KRT32: variants seen among roughly 807,000 people sequenced by gnomAD.
KRT32 encodes the protein keratin 32, also known as keratin, type I cuticular Ha2.
KRT32 carries 44 observed loss-of-function variants against 41.8 expected under a neutral mutation model. The observed-to-expected ratio is 1.05, with a 90% confidence interval of 0.83 to 1.35. The LOEUF (loss-of-function observed/expected upper bound fraction) is 1.35. Among genes scored for constraint, KRT32 ranks in the 40% most tolerant of loss-of-function variants. The pLI is 0.00. For missense variants in KRT32, 576 were observed against 584.6 expected, an observed-to-expected ratio of 0.99 and a Z score of 0.15; for synonymous variants, 238 against 242.5, an observed-to-expected ratio of 0.98 and a Z score of 0.17.
intron 4 of KRT32, 23 bp from the exon 5 acceptor site, chr17:41,464,226 G>A: frequency 6.3e-7 from 1 of 1,592,796 alleles, no homozygotes; most frequent in Non-Finnish European, 8.6e-7. Flanking sequence ...GAAGGAGAAG[G>A]CTAGAGTCCC....
At chr17:41,462,469 G>T (rs950047251) in intron 6 of KRT32, among the ~76,000 whole-genome samples, 1 of 152,086 alleles carries the variant, frequency 6.6e-6, no homozygotes, top group Non-Finnish European at 1.5e-5. Context: ...CCTAAGCTCT[G>T]GACAGGCCAT....
At chr17:41,461,837 G>GT (rs1396337187) in intron 6 of KRT32, among the ~76,000 whole-genome samples, 1 of 152,192 alleles carries the variant, frequency 6.6e-6, no homozygotes, top group African/African-American at 2.4e-5. Flanking sequence ...TACAACAGTC[G>GT]TCAGCCCACT....
intron 5 of KRT32, among the ~76,000 whole-genome samples, chr17:41,463,559 G>A (rs537391674): frequency 8.5e-5 from 13 of 152,292 alleles, no homozygotes; most frequent in African/African-American, 3.1e-4. Context: ...ACAAACATTA[G>A]CAGGGCATAG....
chr17:41,467,090 C>T lies in KRT32; in HGVS notation c.236G>A (p.Gly79Asp). The T allele has an allele frequency of 1.9e-6, 3 of 1,614,232 alleles. No individual in the cohort carries two copies. In the South Asian group the frequency reaches 3.3e-5, roughly 18 times the overall value. Residue 79 changes from glycine (G) to aspartate (D), a missense_variant, in exon 1 of 7, where the codon GGC becomes GAC. Gly to Asp is a moderately conservative substitution (Grantham distance 94). Coordinates refer to ENST00000225899, the MANE Select transcript of KRT32 (RefSeq NM_002278.3). ...SSCQAASGIS[G>D]SMGPGSWYSE... ...GTACCAGCTGCCGGGGCCCATGGAG[C>T]CGGAGATGCCACTGGCTGCCTGGCA... is the stretch of plus-strand genomic sequence containing the variant.
In KRT32 at chr17:41,467,084, A is replaced by T; in HGVS notation, c.242T>A (p.Met81Lys). Residue 81 changes from methionine (M) to lysine (K), a missense_variant, in exon 1 of 7, where the codon ATG becomes AAG. By Grantham distance (95) the Met-to-Lys change is moderately conservative. Coordinates refer to ENST00000225899, the MANE Select transcript of KRT32 (RefSeq NM_002278.3). ...CQAASGISGS[M>K]GPGSWYSEGA... ...TTCGCTGTACCAGCTGCCGGGGCCC[A>T]TGGAGCCGGAGATGCCACTGGCTGC... The T allele has an allele frequency of 6.2e-7, 1 of 1,614,214 alleles. No individual in the cohort carries two copies. Among genetic ancestry groups the T allele is most frequent in the Non-Finnish European group, 8.5e-7 (1 of 1,180,036 alleles).
chr17:41,466,669 G>C (rs189247226), intron 1 of KRT32, among the ~76,000 whole-genome samples, 189 bp downstream of exon 1: 2 of 152,354 alleles, frequency 1.3e-5, no homozygotes, highest in African/African-American at 4.8e-5. Flanking sequence ...TGGTAGAACT[G>C]AGACTAGATC....
chr17:41,464,579 C>A, intron 3 of KRT32, 136 bp from the exon 4 acceptor site: 1 of 740,780 alleles, frequency 1.3e-6, no homozygotes, highest in Admixed American at 3.3e-5. Flanking sequence ...CTGCAGTCCA[C>A]TCAGCAGCAT....
At chr17:41,465,747 C>G in intron 3 of KRT32, 26 bp downstream of exon 3, 1 of 1,594,808 alleles carries the variant, frequency 6.3e-7, no homozygotes, top group Non-Finnish European at 8.6e-7. Flanking sequence ...TTCCCGGGGC[C>G]ACTTCAGCGG....
rs2019060497 is a variant in KRT32 at position 41,465,830 on chromosome 17, C to T, written c.651G>A (p.Glu217=). 1 of 1,613,682 alleles carries T rather than the reference C, an allele frequency of 6.2e-7. No homozygotes were observed. Among genetic ancestry groups the T allele is most frequent in the Non-Finnish European group, 8.5e-7 (1 of 1,179,796 alleles). ...DDLTLCKADL[E]AQVESLKEEL... ...CCTCCTTCAGGGACTCAACCTGGGC[C>T]TCCAGGTCAGCCTTGCACAGAGTGA... Residue 217 remains glutamate, a synonymous_variant, in exon 3 of 7, where the codon GAG becomes GAA. Transcript: ENST00000225899.
At position 41,464,076 on chromosome 17, in the gene KRT32, A is replaced by C. The variant is rs748045582; in HGVS notation, c.996+2T>G. The C allele has an allele frequency of 3.2e-6, 5 of 1,585,422 alleles. No individual in the cohort carries two copies. The highest frequency in any genetic ancestry group is 4.3e-6 in the Non-Finnish European group (5 of 1,165,938). ...GATGGGTGCCCACCCAGCAGCTCTCACCAGGCTGTGCTGGGCCTGCAGCTC... is the reference window on the plus strand; with the variant it reads ...GATGGGTGCCCACCCAGCAGCTCTCCCCAGGCTGTGCTGGGCCTGCAGCTC... On this transcript the variant is annotated splice_donor_variant, in intron 5 of 6. Transcript: ENST00000225899. LOFTEE classifies it high-confidence loss of function.
rs954175880 is a variant in KRT32 at position 41,467,040 on chromosome 17, C to T, written c.286G>A (p.Glu96Lys). The change falls in exon 1 of 7, where the codon GAG becomes AAG. Residue 96 changes from glutamate (E) to lysine (K), a missense_variant. Physicochemically the swap from Glu to Lys is moderately conservative, Grantham distance 56 (BLOSUM62 1). Coordinates refer to ENST00000225899, the MANE Select transcript of KRT32 (RefSeq NM_002278.3). ...TTAAGGAACTGCATGGTTTCCTTCT[C>T]ATTGCCATTGAAGGCCCCTTCGCTG... ...WYSEGAFNGN[E>K]KETMQFLNDR... 5 of 1,614,274 alleles carry T rather than the reference C, an allele frequency of 3.1e-6. No homozygotes were observed. The highest frequency in any genetic ancestry group is 4.2e-6 in the Non-Finnish European group (5 of 1,180,044).
Position 41,467,166 on chromosome 17 carries a change from T to TGGGCAGGCAGACCGAAGGC in KRT32, c.141_159dup (p.Thr54AlafsTer49), listed in dbSNP as rs1567702580. On this transcript the variant is annotated frameshift_variant, in exon 1 of 7. Coordinates refer to ENST00000225899, the MANE Select transcript of KRT32 (RefSeq NM_002278.3). LOFTEE classifies it high-confidence loss of function. ...AGGCAGCTGGCTGGCCGGAAGGTGG[T>TGGGCAGGCAGACCGAAGGC]GGGCAGGCAGACCGAAGGCAGGCAT... 3.1e-6 allele frequency: 5 copies of TGGGCAGGCAGACCGAAGGC among 1,613,994 alleles called. No individual in the cohort carries two copies. The highest frequency in any genetic ancestry group is 4.2e-6 in the Non-Finnish European group (5 of 1,180,034).
chr17:41,462,542 C>T (rs2019012069), intron 6 of KRT32, among the ~76,000 whole-genome samples: 1 of 152,204 alleles, frequency 6.6e-6, no homozygotes, highest in Admixed American at 6.5e-5. Flanking sequence ...GGGCAAATGC[C>T]CTGTCTTCCT....
chr17:41,465,444 G>A (rs2019055338), intron 3 of KRT32, among the ~76,000 whole-genome samples: 1 of 152,124 alleles, frequency 6.6e-6, no homozygotes, highest in Admixed American at 6.5e-5. Flanking sequence ...CCACTAGTGA[G>A]TGCTTGGCAG....
intron 5 of KRT32, 33 bp downstream of exon 5, chr17:41,464,045 C>A: frequency 6.5e-7 from 1 of 1,537,498 alleles, no homozygotes; most frequent in Non-Finnish European, 8.7e-7. Flanking sequence ...GCCTAGGATC[C>A]GGAGGGATGG....
At chr17:41,461,915 A>T (rs1301942601) in intron 6 of KRT32, among the ~76,000 whole-genome samples, 1 of 152,208 alleles carries the variant, frequency 6.6e-6, no homozygotes, top group East Asian at 1.9e-4. Flanking sequence ...CTACCTGCAC[A>T]GTGTCTAGAG....
In KRT32 at chr17:41,464,367, G is replaced by C. The variant is rs1368445230; in HGVS notation, c.785C>G (p.Thr262Ser). Residue 262 changes from threonine to serine, a missense_variant, in exon 4 of 7, where the codon ACC becomes AGC. By Grantham distance (58) the Thr-to-Ser change is moderately conservative. Coordinates refer to ENST00000225899, the MANE Select transcript of KRT32 (RefSeq NM_002278.3). ...ACACCGCATCTCCTCCAGCACCCTG[G>C]TCAGGTCCACCGGGGGTGCAGCGTC... ...EVDAAPPVDL[T>S]RVLEEMRCQY... is the part of the protein sequence containing the mutation. 6.2e-7 allele frequency: 1 copy of C among 1,612,460 alleles called. No homozygotes were observed. The highest frequency in any genetic ancestry group is 1.3e-5 in the African/African-American group (1 of 74,872).
intron 5 of KRT32, 99 bp downstream of exon 5, chr17:41,463,979 T>G: frequency 1.6e-6 from 2 of 1,242,800 alleles, no homozygotes; most frequent in Non-Finnish European, 2.1e-6. Flanking sequence ...CCATGGTGGC[T>G]GAAATCTGAG....
chr17:41,466,277 C>T (rs1257757587), intron 1 of KRT32, 101 bp from the exon 2 acceptor site: 2 of 893,098 alleles, frequency 2.2e-6, no homozygotes, highest in Non-Finnish European at 3.5e-6. Context: ...TCCAGCAGCC[C>T]TGCAGCCATC....
Sources: allele counts gnomAD v4.1 joint callset (sites outside exome capture counted in the v4.1 genomes callset), GRCh38; gene constraint gnomAD v4.1.1; transcripts MANE v1.5; gene names NCBI Gene and HGNC (gene_info 2026-07-23, HGNC 2026-07-21).